Variants in LRRC9 observed in about 807,000 individuals in gnomAD.
LRRC9 encodes the protein leucine-rich repeat-containing protein 9.
LRRC9 carries 122 observed loss-of-function variants against 63.2 expected under a neutral mutation model. The observed-to-expected ratio is 1.93, with a 90% CI of 1.67 to 2.24. The LOEUF is 2.24. Among genes scored for constraint, LRRC9 ranks in the 30% most tolerant of loss-of-function variants. LRRC9 has a pLI of 0.00. For synonymous variants in LRRC9, 366 were observed against 213.1 expected (o/e 1.72, Z -6.25); for missense variants, 1,071 against 627.7 (o/e 1.71, Z -7.55).
rs1889650161 is a variant in LRRC9 at position 59,930,942 on chromosome 14, A to G, written c.292A>G (p.Arg98Gly). ...GAAAATTGAAGGTCTTCAAGAATGT[A>G]GAAATTTGGAAAAACTATATTTATA... Residue 98 changes from arginine to glycine, a missense_variant, in exon 4 of 32, where the codon AGA becomes GGA. Transcript: ENST00000445360. This position sits in a 1 kb window ranked among gnomAD's most constrained non-coding sequence, Gnocchi z 4.9. 4.5e-6 allele frequency: 2 copies of G among 444,798 alleles called. No individual in the cohort carries two copies. Among genetic ancestry groups the G allele is most frequent in the Non-Finnish European group, 8.1e-6 (2 of 247,286 alleles). The allele number at this position is 444,798 out of a possible 1,614,324, so 27.6% of individuals were successfully genotyped here.
chr14:60,049,614 A>T (rs1893726923), intron 29 of LRRC9, among the ~76,000 whole-genome samples: 1 of 152,192 alleles, frequency 6.6e-6, no homozygotes, highest in Non-Finnish European at 1.5e-5. Context: ...TTCTGCTGAA[A>T]GGTATGCTGT....
intron 17 of LRRC9, among the ~76,000 whole-genome samples, chr14:59,991,692 C>T (rs1361310734): frequency 6.6e-6 from 1 of 152,172 alleles, no homozygotes; most frequent in Non-Finnish European, 1.5e-5. Flanking sequence ...CTCGGAGGGT[C>T]CTACGCCCAT....
In LRRC9 at chr14:60,031,093, C is replaced by T. The variant is rs1372151868; in HGVS notation, c.3922-902C>T. ...CGCATGTCCATGATTACTGATCAGGCTTTGGTTCCACAGATAGAAACTGCT... is the reference window on the plus strand; with the variant it reads ...CGCATGTCCATGATTACTGATCAGGTTTTGGTTCCACAGATAGAAACTGCT... On this transcript the variant is annotated intron_variant, in intron 28 of 31. Transcript: ENST00000445360. The surrounding 1 kb of genome is among the most constrained non-coding windows in gnomAD (Gnocchi z 4.6). Among the ~76,000 whole-genome samples, 1 of 151,988 alleles carries T rather than the reference C, an allele frequency of 6.6e-6. No homozygotes were observed. Among genetic ancestry groups the T allele is most frequent in the Non-Finnish European group, 1.5e-5 (1 of 67,924 alleles).
rs117942024 is a variant in LRRC9, at chr14:59,990,114, A to G, written c.2211+4890A>G. On this transcript the variant is annotated intron_variant, in intron 17 of 31. Transcript: ENST00000445360. The surrounding 1 kb of genome is among the most constrained non-coding windows in gnomAD (Gnocchi z 4.2). ...AGCTAACTTTGTATTTTTAGCAGAG[A>G]TGAGGTTTCTCCGTGTTGGTCAGGC... 1.3e-3 allele frequency among the ~76,000 whole-genome samples: 195 copies of G among 151,958 alleles called. No homozygotes were observed. Among genetic ancestry groups the G allele is most frequent in the Non-Finnish European group, 2.2e-3 (152 of 67,942 alleles).
rs574409956 is a variant in LRRC9, at chr14:60,020,289, A to G, written c.3566+1029A>G. ...ATTTTGTTCCAAGTGTCAGTAATTT[A>G]TTTCATTTTATTGCCGAATAGTATT... is the stretch of plus-strand genomic sequence containing the variant. On this transcript the variant is annotated intron_variant, in intron 26 of 31. Coordinates refer to ENST00000445360, the Ensembl canonical transcript of LRRC9. Among the ~76,000 whole-genome samples the G allele has an allele frequency of 7.9e-5, 12 of 151,790 alleles. No individual in the cohort carries two copies. The South Asian group carries it at 2.5e-3, about 32-fold the overall frequency.
At chr14:59,965,188 G>C (rs1176678072) in intron 10 of LRRC9, among the ~76,000 whole-genome samples, 1 of 152,046 alleles carries the variant, frequency 6.6e-6, no homozygotes, top group African/African-American at 2.4e-5. Context: ...AATTTTATGC[G>C]TATGGCCAGG....
In LRRC9 at chr14:59,930,322, A is replaced by T. The variant is rs568871858; in HGVS notation, c.268-596A>T. Among the ~76,000 whole-genome samples, 54 of 152,168 alleles carry T rather than the reference A, an allele frequency of 3.5e-4. No homozygotes were observed. In the Middle Eastern group the frequency reaches 0.01, roughly 29 times the overall value. ...TTTTGTCTTAGAAGTCCCTACACTA[A>T]GATTTTATCCTAGAAAAGTTAACTC... On this transcript the variant is annotated intron_variant, in intron 3 of 31. Coordinates refer to ENST00000445360, the Ensembl canonical transcript of LRRC9. This position sits in a 1 kb window ranked among gnomAD's most constrained non-coding sequence, Gnocchi z 4.9.
rs1321365034 is a variant in LRRC9, at chr14:59,964,907, T to C, written c.1212-1682T>C. Among the ~76,000 whole-genome samples, 2 of 152,232 alleles carry C rather than the reference T, an allele frequency of 1.3e-5. No individual in the cohort carries two copies. Among genetic ancestry groups the C allele is most frequent in the Non-Finnish European group, 2.9e-5 (2 of 68,038 alleles). ...AAGGGAGAAGTAATTTATAAGATCC[T>C]GGCTGCATTGATTAAGTATTTGCTT... On this transcript the variant is annotated intron_variant, in intron 10 of 31. Coordinates refer to ENST00000445360, the Ensembl canonical transcript of LRRC9. The surrounding 1 kb of genome is among the most constrained non-coding windows in gnomAD (Gnocchi z 4.4).
intron 14 of LRRC9, among the ~76,000 whole-genome samples, chr14:59,977,631 C>A (rs1206050812): frequency 6.6e-6 from 1 of 150,684 alleles, no homozygotes; most frequent in Non-Finnish European, 1.5e-5. Context: ...AAAAAGCACC[C>A]GACTTTTAAC....
intron 25 of LRRC9, among the ~76,000 whole-genome samples, chr14:60,018,718 T>C (rs1019949780): frequency 1.5e-4 from 23 of 151,914 alleles, no homozygotes; most frequent in African/African-American, 5.1e-4. Flanking sequence ...TAGTCAGAGA[T>C]GGGATTGAAG....
rs145562090 is a variant in LRRC9, at chr14:59,936,488, G to A, written c.544-1902G>A. 1.3e-3 allele frequency among the ~76,000 whole-genome samples: 191 copies of A among 152,266 alleles called. No individual in the cohort carries two copies. The highest frequency in any genetic ancestry group is 4.1e-3 in the African/African-American group (170 of 41,576). ...GCACCAGAGCACTAATTTTCAGTGA[G>A]ATTTTGTGCCTTTGTAAACTCCAGT... On this transcript the variant is annotated intron_variant, in intron 6 of 31. Coordinates refer to ENST00000445360, the Ensembl canonical transcript of LRRC9. The surrounding 1 kb of genome is among the most constrained non-coding windows in gnomAD (Gnocchi z 4.2).
intron 30 of LRRC9, 113 bp from the exon 31 acceptor site, chr14:60,057,765 G>C: frequency 2.2e-6 from 1 of 447,654 alleles, no homozygotes; most frequent in Admixed American, 3.3e-5. Flanking sequence ...CAAGCAGGTA[G>C]CTCCTGACTA....
At chr14:59,978,241 G>A in intron 15 of LRRC9, 109 bp downstream of exon 15, 6 of 535,608 alleles carry the variant, frequency 1.1e-5, no homozygotes, top group South Asian at 1.0e-4. Flanking sequence ...ATGTGCATGT[G>A]TGTATAATTG....
rs977514335 is a variant in LRRC9, at chr14:60,042,347, G to C, written c.3990+10284G>C. Among the ~76,000 whole-genome samples the C allele has an allele frequency of 2.0e-5, 3 of 152,216 alleles. No homozygotes were observed. The highest frequency in any genetic ancestry group is 7.2e-5 in the African/African-American group (3 of 41,446). On this transcript the variant is annotated intron_variant, in intron 29 of 31. Coordinates refer to ENST00000445360, the Ensembl canonical transcript of LRRC9. The surrounding 1 kb of genome is among the most constrained non-coding windows in gnomAD (Gnocchi z 4.2). ...TGTTCAGCTATGCCCTGCCCCCAGA[G>C]GTGGAGTCTACAGAGGCAGGCAGGC...
chr14:60,039,634 T>A (rs920812022), intron 29 of LRRC9, among the ~76,000 whole-genome samples: 31 of 152,270 alleles, frequency 2.0e-4, no homozygotes, highest in Non-Finnish European at 4.0e-4. Context: ...TTTTATTGAG[T>A]CTATTTGATT....
At chr14:60,064,511 AT>A (rs563449129), downstream of LRRC9, among the ~76,000 whole-genome samples, 1 of 152,248 alleles carries the variant, frequency 6.6e-6, no homozygotes, top group Admixed American at 6.5e-5. Flanking sequence ...ACAATTTTGT[AT>A]TTTTCTTTTT....
chr14:59,989,958 A>G (rs1460047564), intron 17 of LRRC9, among the ~76,000 whole-genome samples: 1 of 121,398 alleles, frequency 8.2e-6, no homozygotes, highest in African/African-American at 3.2e-5. Context: ...ACGGAATTTC[A>G]CTTTTGTGGC....
chr14:59,991,146 G>A (rs146295872), intron 17 of LRRC9, among the ~76,000 whole-genome samples: 148 of 152,202 alleles, frequency 9.7e-4, no homozygotes, highest in African/African-American at 3.3e-3. Flanking sequence ...AAAAAGTTAT[G>A]ATCTAATTGA....
chr14:59,966,574 T>C lies in LRRC9; in HGVS notation c.1212-15T>C, dbSNP rs1333139053. 1 of 638,702 alleles carries C rather than the reference T, an allele frequency of 1.6e-6. No homozygotes were observed. The highest frequency in any genetic ancestry group is 2.7e-5 in the East Asian group (1 of 36,690). The allele number at this position is 638,702 out of a possible 1,614,324, so 39.6% of individuals were successfully genotyped here. On this transcript the variant is annotated splice_polypyrimidine_tract_variant and intron_variant, in intron 10 of 31. Transcript: ENST00000445360. This position sits in a 1 kb window ranked among gnomAD's most constrained non-coding sequence, Gnocchi z 4.0. ...TTATTTTCTTCATGTATATTCTGTA[T>C]GTATTCCCACATAGGTTTAATTTCT...
Sources: allele counts gnomAD v4.1 joint callset (sites outside exome capture counted in the v4.1 genomes callset), GRCh38; gene constraint gnomAD v4.1.1; non-coding constraint Gnocchi (gnomAD v3.1); transcripts MANE v1.5; gene names NCBI Gene and HGNC (gene_info 2026-07-23, HGNC 2026-07-21).